TBC1D4: variants seen among roughly 807,000 people sequenced by gnomAD.
TBC1D4 encodes the protein TBC1 domain family member 4.
Under a neutral mutation model 142.5 loss-of-function variants are expected in TBC1D4, and 121 were observed. That is an observed-to-expected ratio of 0.85 (90% CI 0.73 to 0.99). TBC1D4 has a LOEUF of 0.99. Among genes scored for constraint, TBC1D4 ranks in the 50% least tolerant of loss-of-function variants. The pLI, the probability that TBC1D4 is intolerant of heterozygous loss-of-function variation, is 0.00. For missense variants in TBC1D4, 1,475 were observed against 1,606.6 expected, an observed-to-expected ratio of 0.92 and a Z score of 1.40; for synonymous variants, 630 against 628.2, an observed-to-expected ratio of 1.00 and a Z score of -0.04.
intron 12 of TBC1D4, among the ~76,000 whole-genome samples, chr13:75,315,982 T>A (rs569998873): frequency 4.7e-4 from 72 of 152,330 alleles, no homozygotes; most frequent in South Asian, 2.7e-3. Context: ...CTTTGAAAGC[T>A]AAATGAAATA....
intron 1 of TBC1D4, among the ~76,000 whole-genome samples, chr13:75,424,627 T>C (rs1886305928): frequency 1.3e-5 from 2 of 152,090 alleles, no homozygotes; most frequent in Admixed American, 1.3e-4. Flanking sequence ...TACAAAGCTA[T>C]AGTAATCAAA....
intron 1 of TBC1D4, among the ~76,000 whole-genome samples, chr13:75,395,046 T>C (rs1593837896): frequency 6.6e-6 from 1 of 152,222 alleles, no homozygotes; most frequent in Non-Finnish European, 1.5e-5. Context: ...TACAGAAGTA[T>C]GTTTGCAGGC....
At chr13:75,287,519 G>A (rs1448098224) in intron 20 of TBC1D4, among the ~76,000 whole-genome samples, 2 of 152,178 alleles carry the variant, frequency 1.3e-5, no homozygotes, top group Non-Finnish European at 1.5e-5. Context: ...CAGTTCAGAC[G>A]AATCATTATA....
chr13:75,336,814 T>TG lies in TBC1D4; in HGVS notation c.1731+106_1731+107insC, dbSNP rs1381442824. ...TTTAAAAGTTATCTTAGGTTTTTTT[T>TG]TTGTTTGTTTTTTGTTTTAAGGAAA... is the stretch of plus-strand genomic sequence containing the variant. On this transcript the variant is annotated intron_variant, in intron 8 of 20. Transcript: ENST00000377636. The TG allele has an allele frequency of 8.4e-6, 11 of 1,312,690 alleles. No individual in the cohort carries two copies. The East Asian group carries it at 2.4e-4, about 28-fold the overall frequency. The allele number at this position is 1,312,690 out of a possible 1,614,324, so 81.3% of individuals were successfully genotyped here. A position where few individuals can be genotyped will look rare whatever the true frequency, so the allele number is the denominator to read the frequency against.
At chr13:75,431,988 G>C (rs1336435923) in intron 1 of TBC1D4, among the ~76,000 whole-genome samples, 1 of 152,166 alleles carries the variant, frequency 6.6e-6, no homozygotes, top group African/African-American at 2.4e-5. Context: ...GAGTCTACAG[G>C]AATCAGTAAA....
chr13:75,465,136 C>G (rs1888116927), intron 1 of TBC1D4, among the ~76,000 whole-genome samples: 1 of 152,164 alleles, frequency 6.6e-6, no homozygotes. Flanking sequence ...CAAGTACAGA[C>G]AGGTGCCAGA....
At chr13:75,444,174 C>T (rs924186076) in intron 1 of TBC1D4, among the ~76,000 whole-genome samples, 2 of 152,078 alleles carry the variant, frequency 1.3e-5, no homozygotes, top group Non-Finnish European at 2.9e-5. Context: ...GAAAGCGGAG[C>T]GCAGTCAGGT....
In TBC1D4 at chr13:75,362,622, TA is replaced by T. The variant is rs1389534878; in HGVS notation, c.499-16del. 1 of 1,613,390 alleles carries T rather than the reference TA, an allele frequency of 6.2e-7. No individual in the cohort carries two copies. Among genetic ancestry groups the T allele is most frequent in the Non-Finnish European group, 8.5e-7 (1 of 1,179,782 alleles). ...ACATCAGGAACCTGGGGGAAAAAAT[TA>T]AAACCCTGATTCTAGTTGAAAGTTT... On this transcript the variant is annotated splice_polypyrimidine_tract_variant and intron_variant, in intron 1 of 20. Coordinates refer to ENST00000377636, the MANE Select transcript of TBC1D4 (RefSeq NM_014832.5). This position sits in a 1 kb window ranked among gnomAD's most constrained non-coding sequence, Gnocchi z 4.2.
At chr13:75,477,205 G>T (rs1026436549) in intron 1 of TBC1D4, among the ~76,000 whole-genome samples, 30 of 152,048 alleles carry the variant, frequency 2.0e-4, no homozygotes, top group African/African-American at 7.3e-4. Flanking sequence ...CAATTTCTCT[G>T]GTATTCTTAC....
intron 12 of TBC1D4, among the ~76,000 whole-genome samples, chr13:75,316,758 T>C (rs1333746581): frequency 6.6e-6 from 1 of 152,208 alleles, no homozygotes; most frequent in Non-Finnish European, 1.5e-5. Flanking sequence ...ACTTGGAAAC[T>C]ACACTGGGAT....
At chr13:75,321,531 T>C (rs2137986092) in intron 11 of TBC1D4, among the ~76,000 whole-genome samples, 1 of 152,262 alleles carries the variant, frequency 6.6e-6, no homozygotes, top group Admixed American at 6.5e-5. Flanking sequence ...TTAACAGGAA[T>C]CCTCTGTGAT....
In TBC1D4 at chr13:75,482,030, G is replaced by A. The variant is rs1888914547; in HGVS notation, c.-263C>T. On this transcript the variant is annotated 5_prime_UTR_variant, in exon 1 of 21. Transcript: ENST00000377636. Reference sequence around the variant, plus strand: ...GGGTTAAATGGGCATCCTCCTCCTTGGGCTGGCGCCTCGGGCAGGACCTCC... The same window carrying A: ...GGGTTAAATGGGCATCCTCCTCCTTAGGCTGGCGCCTCGGGCAGGACCTCC... 2.7e-6 allele frequency: 1 copy of A among 376,800 alleles called. No homozygotes were observed. Among genetic ancestry groups the A allele is most frequent in the Non-Finnish European group, 4.6e-6 (1 of 216,434 alleles). 23.3% of individuals were successfully genotyped at this position (376,800 alleles called of 1,614,324 possible).
chr13:75,330,632 T>C (rs914033156), intron 8 of TBC1D4, among the ~76,000 whole-genome samples: 5 of 152,172 alleles, frequency 3.3e-5, no homozygotes, highest in Middle Eastern at 3.2e-3. Context: ...GGAAGCACAA[T>C]TGTAAAGTGA....
intron 2 of TBC1D4, among the ~76,000 whole-genome samples, chr13:75,360,880 T>C (rs1882444790): frequency 6.6e-6 from 1 of 152,226 alleles, no homozygotes; most frequent in South Asian, 2.1e-4. Context: ...AAAAGCCTCA[T>C]GAACTTCCGA....
intron 8 of TBC1D4, among the ~76,000 whole-genome samples, chr13:75,335,331 G>A (rs932891848): frequency 1.4e-4 from 22 of 152,180 alleles, no homozygotes; most frequent in Non-Finnish European, 1.3e-4. Context: ...GAACACCCAC[G>A]TAGCTTGACC....
chr13:75,466,644 G>A (rs1888180080), intron 1 of TBC1D4, among the ~76,000 whole-genome samples: 1 of 151,956 alleles, frequency 6.6e-6, no homozygotes, highest in South Asian at 2.1e-4. Context: ...AGGCCGAGAC[G>A]GGCAGATCAC....
Position 75,294,951 on chromosome 13 carries a change from A to G in TBC1D4, c.3219T>C (p.Leu1073=), listed in dbSNP as rs1875744656. ...HDYHRDLYNH[L]EENEISPSLY... The stretch of plus-strand genomic sequence containing the variant: ...GACTGGGGCTGATTTCATTTTCTTC[A>G]AGGTGATTGTAGAGATCTCTGTGAT... The change falls in exon 18 of 21, where the codon CTT becomes CTC. Residue 1073 remains leucine (L), a synonymous_variant. Coordinates refer to ENST00000377636, the MANE Select transcript of TBC1D4 (RefSeq NM_014832.5). 6.2e-7 allele frequency: 1 copy of G among 1,613,964 alleles called. No individual in the cohort carries two copies. The highest frequency in any genetic ancestry group is 1.1e-5 in the South Asian group (1 of 91,078).
In TBC1D4 at chr13:75,477,711, TAC is replaced by T. The variant is rs534637654; in HGVS notation, c.498+3557_498+3558del. On this transcript the variant is annotated intron_variant, in intron 1 of 20. Transcript: ENST00000377636. ...CTCTTTTTGCAAGTGGATAAATATTTACAGAGTATTAGTGACCTATCCTAGAC... is the reference window on the plus strand; with the variant it reads ...CTCTTTTTGCAAGTGGATAAATATTTAGAGTATTAGTGACCTATCCTAGAC... 1.1e-4 allele frequency among the ~76,000 whole-genome samples: 17 copies of T among 152,350 alleles called. No homozygotes were observed. The East Asian group carries it at 3.3e-3, about 29-fold the overall frequency.
At chr13:75,303,489 T>A (rs1402844051) in intron 15 of TBC1D4, among the ~76,000 whole-genome samples, 2 of 152,148 alleles carry the variant, frequency 1.3e-5, no homozygotes, top group Non-Finnish European at 2.9e-5. Flanking sequence ...TATGACTATG[T>A]TTTTTATGCC....
Sources: gnomAD v4.1 joint callset for allele counts (sites outside exome capture counted in the v4.1 genomes callset) on GRCh38, gnomAD v4.1.1 for gene constraint, Gnocchi (gnomAD v3.1) non-coding constraint, MANE v1.5 for transcripts, NCBI Gene and HGNC (gene_info 2026-07-23, HGNC 2026-07-21) for gene names.